Variants in PRKCE observed in about 807,000 individuals in gnomAD.
PRKCE encodes the protein protein kinase C epsilon, also known as protein kinase C epsilon type.
Under a neutral mutation model 85.4 loss-of-function variants are expected in PRKCE, and 16 were observed. That is an observed-to-expected ratio of 0.19 (90% CI 0.13 to 0.28). The LOEUF (loss-of-function observed/expected upper bound fraction) is 0.28. Among genes scored for constraint, PRKCE ranks in the 10% least tolerant of loss-of-function variants. The pLI, the probability that PRKCE is intolerant of heterozygous loss-of-function variation, is 1.00. For synonymous variants in PRKCE, 388 were observed against 371.5 expected, an observed-to-expected ratio of 1.04 and a Z score of -0.51; for missense variants, 573 against 975.2, an observed-to-expected ratio of 0.59 and a Z score of 5.49.
intron 1 of PRKCE, among the ~76,000 whole-genome samples, chr2:45,773,030 A>G (rs895850430): frequency 1.3e-5 from 2 of 152,140 alleles, no homozygotes; most frequent in Admixed American, 1.3e-4. Context: ...CAAGAGCCCT[A>G]CCTAATAACT....
intron 10 of PRKCE, among the ~76,000 whole-genome samples, chr2:46,027,106 C>A (rs912668462): frequency 6.6e-6 from 1 of 152,110 alleles, no homozygotes; most frequent in African/African-American, 2.4e-5. Flanking sequence ...GAAGTCAAGG[C>A]TGCAGTGAGC....
At chr2:45,662,472 G>A (rs1163899629) in intron 1 of PRKCE, among the ~76,000 whole-genome samples, 1 of 151,926 alleles carries the variant, frequency 6.6e-6, no homozygotes, top group African/African-American at 2.4e-5. Flanking sequence ...TATTGAATAG[G>A]GGAGTCAGGT....
chr2:45,708,629 C>G (rs1348181183), intron 1 of PRKCE, among the ~76,000 whole-genome samples: 1 of 152,184 alleles, frequency 6.6e-6, no homozygotes, highest in African/African-American at 2.4e-5. Context: ...AAACCTCTTT[C>G]TTTTGTTAAT....
In PRKCE at chr2:45,723,596, A is replaced by T. The variant is rs552057506; in HGVS notation, c.348+71148A>T. ...GCTCACTGGTTTAACATTCCAATACATGTTCTTTTGTTTTGTTTTGTTTTT... is the reference window on the plus strand; with the variant it reads ...GCTCACTGGTTTAACATTCCAATACTTGTTCTTTTGTTTTGTTTTGTTTTT... On this transcript the variant is annotated intron_variant, in intron 1 of 14. Transcript: ENST00000306156. 3.4e-5 allele frequency among the ~76,000 whole-genome samples: 5 copies of T among 146,638 alleles called. No individual in the cohort carries two copies. In the South Asian group the frequency reaches 1.1e-3, roughly 32 times the overall value.
intron 12 of PRKCE, 71 bp from the exon 13 acceptor site, chr2:46,150,970 G>C: frequency 2.8e-6 from 4 of 1,409,002 alleles, no homozygotes; most frequent in East Asian, 2.4e-5. Context: ...CTTCCCATGG[G>C]CGTTCGTAGC....
At chr2:45,962,498 T>A (rs1288811473) in intron 2 of PRKCE, among the ~76,000 whole-genome samples, 1 of 152,230 alleles carries the variant, frequency 6.6e-6, no homozygotes, top group East Asian at 1.9e-4. Context: ...CTTCCTTTTT[T>A]GTTCCCCTCT....
At chr2:45,827,221 A>G (rs770061833) in intron 1 of PRKCE, among the ~76,000 whole-genome samples, 2 of 152,218 alleles carry the variant, frequency 1.3e-5, no homozygotes, top group African/African-American at 2.4e-5. Context: ...CTCTCTCTGC[A>G]CCAGTCGGGC....
At chr2:45,752,990 C>G (rs765620546) in intron 1 of PRKCE, among the ~76,000 whole-genome samples, 4 of 152,168 alleles carry the variant, frequency 2.6e-5, no homozygotes, top group Non-Finnish European at 5.9e-5. Flanking sequence ...TGGAGCTTTC[C>G]TGCGGCACAC....
intron 1 of PRKCE, among the ~76,000 whole-genome samples, chr2:45,741,670 G>A (rs771215233): frequency 8.5e-5 from 13 of 152,352 alleles, no homozygotes; most frequent in Non-Finnish European, 1.8e-4. Context: ...TGCCCAGGCT[G>A]TAAGGTACTG....
chr2:46,139,728 A>G lies in PRKCE; in HGVS notation c.1593-5365A>G, dbSNP rs2104455607. On this transcript the variant is annotated intron_variant, in intron 11 of 14. Coordinates refer to ENST00000306156, the MANE Select transcript of PRKCE (RefSeq NM_005400.3). The surrounding 1 kb of genome is among the most constrained non-coding windows in gnomAD (Gnocchi z 5.2). The stretch of plus-strand genomic sequence containing the variant: ...TATATATACATATATACATATACAT[A>G]TATATCTAGAGAGAGAGAGAGAGAA... Among the ~76,000 whole-genome samples, 1 of 151,762 alleles carries G rather than the reference A, an allele frequency of 6.6e-6. No individual in the cohort carries two copies. The highest frequency in any genetic ancestry group is 2.1e-4 in the South Asian group (1 of 4,808).
At chr2:45,882,826 C>G (rs755216083) in intron 2 of PRKCE, among the ~76,000 whole-genome samples, 1 of 152,232 alleles carries the variant, frequency 6.6e-6, no homozygotes, top group African/African-American at 2.4e-5. Context: ...CCGAGTCTGC[C>G]GATTCCAGGG....
chr2:45,961,225 C>A (rs957095027), intron 2 of PRKCE, among the ~76,000 whole-genome samples: 2 of 152,140 alleles, frequency 1.3e-5, no homozygotes, highest in South Asian at 2.1e-4. Flanking sequence ...AGTCACAATA[C>A]CTACCTCCTT....
At chr2:45,678,252 A>C (rs939203392) in intron 1 of PRKCE, among the ~76,000 whole-genome samples, 3 of 152,238 alleles carry the variant, frequency 2.0e-5, no homozygotes, top group Non-Finnish European at 4.4e-5. Context: ...GTTTTTATAT[A>C]ATGTAAACTA....
intron 2 of PRKCE, among the ~76,000 whole-genome samples, chr2:45,910,514 T>C (rs1433216948): frequency 6.6e-6 from 1 of 152,178 alleles, no homozygotes. Flanking sequence ...AGGCTAGGGT[T>C]CAAACCCTAA....
chr2:46,160,957 G>A (rs1040773422), intron 14 of PRKCE, among the ~76,000 whole-genome samples: 6 of 152,176 alleles, frequency 3.9e-5, no homozygotes, highest in Non-Finnish European at 7.3e-5. Context: ...GCTTGGTCCC[G>A]TTACCACTCC....
At chr2:45,974,580 C>G (rs986222308) in intron 2 of PRKCE, among the ~76,000 whole-genome samples, 1 of 152,238 alleles carries the variant, frequency 6.6e-6, no homozygotes, top group Non-Finnish European at 1.5e-5. Flanking sequence ...CTTGGAAGCA[C>G]ACGCTGCGCA....
Position 45,715,198 on chromosome 2 carries a change from C to T in PRKCE, c.348+62750C>T, listed in dbSNP as rs139733150. On this transcript the variant is annotated intron_variant, in intron 1 of 14. Coordinates refer to ENST00000306156, the MANE Select transcript of PRKCE (RefSeq NM_005400.3). Reference sequence around the variant, plus strand: ...GTGTGCATGACGCTGTGCAGCGCACCGCAGGAAGCAGAGGAGTGCCCACCA... The same window carrying T: ...GTGTGCATGACGCTGTGCAGCGCACTGCAGGAAGCAGAGGAGTGCCCACCA... Among the ~76,000 whole-genome samples, 360 of 152,342 alleles carry T rather than the reference C, an allele frequency of 2.4e-3. 1 individual carries two copies. The highest frequency in any genetic ancestry group is 8.0e-3 in the African/African-American group (331 of 41,586).
chr2:45,754,294 A>C (rs776962383), intron 1 of PRKCE, among the ~76,000 whole-genome samples: 1 of 152,250 alleles, frequency 6.6e-6, no homozygotes, highest in African/African-American at 2.4e-5. Flanking sequence ...GAGGCCAGGC[A>C]TGTGACTTCT....
chr2:45,826,103 G>A (rs1689921183), intron 1 of PRKCE, among the ~76,000 whole-genome samples: 1 of 152,128 alleles, frequency 6.6e-6, no homozygotes. Context: ...GGCAGTAGAA[G>A]TCAGGCCTTT....
Sources: gnomAD v4.1 joint callset for allele counts (sites outside exome capture counted in the v4.1 genomes callset) on GRCh38, gnomAD v4.1.1 for gene constraint, Gnocchi (gnomAD v3.1) non-coding constraint, MANE v1.5 for transcripts, NCBI Gene and HGNC (gene_info 2026-07-23, HGNC 2026-07-21) for gene names.